The following RAP1GAP2 variants were observed in gnomAD, a reference collection of about 807,000 sequenced individuals.
RAP1GAP2 encodes rap1 GTPase-activating protein 2.
In RAP1GAP2, 27 loss-of-function variants were observed where a neutral mutation model predicts 95.0. The observed-to-expected ratio is 0.28, with a 90% CI of 0.21 to 0.39. The LOEUF (loss-of-function observed/expected upper bound fraction) is 0.39. Ranked by LOEUF, RAP1GAP2 falls within the 10% of genes least tolerant of loss-of-function variation. The pLI, the probability that RAP1GAP2 is intolerant of heterozygous loss-of-function variation, is 1.00. For missense variants in RAP1GAP2, 771 were observed against 970.0 expected (o/e 0.79, Z 2.72); for synonymous variants, 373 against 380.9 (o/e 0.98, Z 0.24).
At position 2,963,574 on chromosome 17, in the gene RAP1GAP2, C is replaced by A; in HGVS notation, c.279+112C>A. 1 of 1,372,410 alleles carries A rather than the reference C, an allele frequency of 7.3e-7. No homozygotes were observed. Among genetic ancestry groups the A allele is most frequent in the Non-Finnish European group, 1.0e-6 (1 of 970,318 alleles). 85.0% of individuals were successfully genotyped at this position (1,372,410 alleles called of 1,614,324 possible). A position where few individuals can be genotyped will look rare whatever the true frequency, so the allele number is the denominator to read the frequency against. On this transcript the variant is annotated intron_variant, in intron 6 of 24. Coordinates refer to ENST00000254695, the MANE Select transcript of RAP1GAP2 (RefSeq NM_015085.5). The surrounding 1 kb of genome is among the most constrained non-coding windows in gnomAD (Gnocchi z 4.8). ...GCCCCCCAGGGGAGAGAACCTTGGGCCTGGGACCTCTCTTCCTGTCTTTGC... is the reference window on the plus strand; with the variant it reads ...GCCCCCCAGGGGAGAGAACCTTGGGACTGGGACCTCTCTTCCTGTCTTTGC...
In RAP1GAP2 at chr17:2,963,153, G is replaced by T; in HGVS notation, c.247-277G>T. ...CTAGGGGTCATTTTCCGGAATGAGC[G>T]TTCTAGGATGAGAAGCTGGTATCAC... On this transcript the variant is annotated intron_variant, in intron 5 of 24. Coordinates refer to ENST00000254695, the MANE Select transcript of RAP1GAP2 (RefSeq NM_015085.5). This position sits in a 1 kb window ranked among gnomAD's most constrained non-coding sequence, Gnocchi z 4.8. 1.8e-6 allele frequency: 1 copy of T among 560,900 alleles called. No individual in the cohort carries two copies. 34.7% of individuals were successfully genotyped at this position (560,900 alleles called of 1,614,324 possible).
rs917540694 is a variant in RAP1GAP2 at position 2,891,814 on chromosome 17, C to CTTTTTTTTTTTTTT, written c.81-13457_81-13444dup. Among the ~76,000 whole-genome samples the CTTTTTTTTTTTTTT allele has an allele frequency of 4.2e-4, 23 of 54,292 alleles. 1 individual carries two copies. The highest frequency in any genetic ancestry group is 6.9e-4 in the Non-Finnish European group (19 of 27,404). The allele number at this position is 54,292 out of a possible 152,430, so 35.6% of individuals were successfully genotyped here. A position where few individuals can be genotyped will look rare whatever the true frequency, so the allele number is the denominator to read the frequency against. ...TGATATGCAGATTCATATTTCTTTT[C>CTTTTTTTTTTTTTT]TTTTTTTTTTTTTTTTTTTTTTTTT... is the stretch of plus-strand genomic sequence containing the variant. On this transcript the variant is annotated intron_variant, in intron 2 of 24. Coordinates refer to ENST00000254695, the MANE Select transcript of RAP1GAP2 (RefSeq NM_015085.5).
intron 1 of RAP1GAP2, among the ~76,000 whole-genome samples, chr17:2,766,978 C>T (rs2068287399): frequency 6.6e-6 from 1 of 151,680 alleles, no homozygotes; most frequent in African/African-American, 2.4e-5. Flanking sequence ...AGGGCAGCTG[C>T]ACAGTTTTTT....
Position 2,995,403 on chromosome 17 carries a change from G to A in RAP1GAP2, c.981G>A (p.Arg327=), listed in dbSNP as rs765876322. The A allele has an allele frequency of 7.2e-5, 116 of 1,613,854 alleles. No individual in the cohort carries two copies. Among genetic ancestry groups the A allele is most frequent in the Middle Eastern group, 1.6e-4 (1 of 6,082 alleles). ...TGGAATCAGTGTACACAACATTCCG[G>A]GACAGGGAGATCATGTTTCACGTTT... ...TGVESVYTTF[R]DREIMFHVST... The change falls in exon 13 of 25, where the codon CGG becomes CGA. Residue 327 remains arginine, a synonymous_variant. Coordinates refer to ENST00000254695, the MANE Select transcript of RAP1GAP2 (RefSeq NM_015085.5).
Position 2,783,092 on chromosome 17 carries a change from G to T in RAP1GAP2, c.-14+5814G>T, listed in dbSNP as rs929848692. ...GGAAGTAGAGGCTCAGAGAGCCTGG[G>T]TTACTTCCACAAGGTCACACAGCTA... On this transcript the variant is annotated intron_variant, in intron 1 of 24. Coordinates refer to the RAP1GAP2 transcript ENST00000540393. Among the ~76,000 whole-genome samples the T allele has an allele frequency of 2.0e-5, 3 of 152,264 alleles. No homozygotes were observed. In the East Asian group the frequency reaches 5.8e-4, roughly 29 times the overall value.
intron 3 of RAP1GAP2, among the ~76,000 whole-genome samples, chr17:2,917,383 G>C (rs976059171): frequency 2.0e-5 from 3 of 151,930 alleles, no homozygotes; most frequent in Non-Finnish European, 4.4e-5. Context: ...CAATTCTCCT[G>C]CCTCAGCCTC....
At position 3,034,748 on chromosome 17, in the gene RAP1GAP2, T is replaced by G. The variant is rs988931903; in HGVS notation, c.*1387T>G. Reference sequence around the variant, plus strand: ...TCCAAGGACATCCCCTCCTGGCTTCTCCCCCTTCCGAGTCTGCAGCGCCGT... The same window carrying G: ...TCCAAGGACATCCCCTCCTGGCTTCGCCCCCTTCCGAGTCTGCAGCGCCGT... On this transcript the variant is annotated 3_prime_UTR_variant, in exon 25 of 25. Coordinates refer to ENST00000254695, the MANE Select transcript of RAP1GAP2 (RefSeq NM_015085.5). The surrounding 1 kb of genome is among the most constrained non-coding windows in gnomAD (Gnocchi z 5.1). 2 of 152,622 alleles carry G rather than the reference T, an allele frequency of 1.3e-5. No individual in the cohort carries two copies. Among genetic ancestry groups the G allele is most frequent in the African/African-American group, 4.8e-5 (2 of 41,406 alleles). The allele number at this position is 152,622 out of a possible 1,614,324, so 9.5% of individuals were successfully genotyped here.
chr17:2,970,967 C>T (rs545587600), intron 8 of RAP1GAP2, among the ~76,000 whole-genome samples: 4 of 152,094 alleles, frequency 2.6e-5, no homozygotes, highest in East Asian at 1.9e-4. Context: ...CCTGGGAGGT[C>T]GAGGCTACAA....
At position 2,963,029 on chromosome 17, in the gene RAP1GAP2, G is replaced by T; in HGVS notation, c.246+315G>T. 1 of 520,228 alleles carries T rather than the reference G, an allele frequency of 1.9e-6. No homozygotes were observed. The highest frequency in any genetic ancestry group is 3.4e-5 in the East Asian group (1 of 29,568). The allele number at this position is 520,228 out of a possible 1,614,324, so 32.2% of individuals were successfully genotyped here. A position where few individuals can be genotyped will look rare whatever the true frequency, so the allele number is the denominator to read the frequency against. ...GTAAGGGTGTCAGGCTCTGTGCCCC[G>T]GGTTCCAGTGGGCAGTCAGCTCTCA... On this transcript the variant is annotated intron_variant, in intron 5 of 24. Coordinates refer to ENST00000254695, the MANE Select transcript of RAP1GAP2 (RefSeq NM_015085.5). The surrounding 1 kb of genome is among the most constrained non-coding windows in gnomAD (Gnocchi z 4.8).
chr17:2,828,041 A>C (rs2070657317), intron 2 of RAP1GAP2, among the ~76,000 whole-genome samples: 1 of 152,080 alleles, frequency 6.6e-6, no homozygotes, highest in Non-Finnish European at 1.5e-5. Context: ...TTTGGGTCTT[A>C]GAATTTAACT....
intron 1 of RAP1GAP2, among the ~76,000 whole-genome samples, chr17:2,789,565 A>G (rs904178563): frequency 1.4e-4 from 20 of 146,054 alleles, no homozygotes; most frequent in African/African-American, 5.0e-4. Context: ...GTTCAAGACC[A>G]GCCTGGCCAA....
chr17:2,841,254 T>G (rs2151570466), intron 2 of RAP1GAP2, among the ~76,000 whole-genome samples: 1 of 152,166 alleles, frequency 6.6e-6, no homozygotes, highest in African/African-American at 2.4e-5. Context: ...ATTAAGTCCA[T>G]TTAAAGAAAA....
chr17:2,818,887 CA>C (rs2070157127), intron 2 of RAP1GAP2, among the ~76,000 whole-genome samples: 6 of 151,892 alleles, frequency 4.0e-5, no homozygotes, highest in African/African-American at 1.5e-4. Flanking sequence ...AAACCTACTG[CA>C]AGGGTTGTTT....
chr17:2,921,060 C>G (rs141656953), intron 3 of RAP1GAP2, among the ~76,000 whole-genome samples: 5 of 152,236 alleles, frequency 3.3e-5, no homozygotes, highest in South Asian at 2.1e-4. Context: ...CTCCCGGAGC[C>G]CCCCCGGCAG....
rs1420214676 is a variant in RAP1GAP2, at chr17:2,808,259, G to T, written c.80+7709G>T. On this transcript the variant is annotated intron_variant, in intron 2 of 24. Transcript: ENST00000254695. Reference sequence around the variant, plus strand: ...GAGTGGCCTTCCCTGCCTGGAGCTGGTTTGGAAGGTGTGGGTGAAGGTGAG... The same window carrying T: ...GAGTGGCCTTCCCTGCCTGGAGCTGTTTTGGAAGGTGTGGGTGAAGGTGAG... 2.6e-5 allele frequency among the ~76,000 whole-genome samples: 4 copies of T among 152,148 alleles called. No individual in the cohort carries two copies. In the East Asian group the frequency reaches 5.8e-4, roughly 22 times the overall value.
At chr17:2,761,021 C>G (rs999255231) in intron 1 of RAP1GAP2, among the ~76,000 whole-genome samples, 7 of 151,588 alleles carry the variant, frequency 4.6e-5, no homozygotes, top group Non-Finnish European at 1.0e-4. Flanking sequence ...ATGGTGTGAT[C>G]TCTGCACACT....
At chr17:2,858,392 C>T (rs573331472) in intron 2 of RAP1GAP2, among the ~76,000 whole-genome samples, 23 of 152,112 alleles carry the variant, frequency 1.5e-4, no homozygotes, top group Non-Finnish European at 3.1e-4. Context: ...AAAAGCCTAT[C>T]GCAATTCTTG....
intron 1 of RAP1GAP2, among the ~76,000 whole-genome samples, chr17:2,800,033 G>A (rs148615405): frequency 2.1e-4 from 32 of 152,284 alleles, no homozygotes; most frequent in African/African-American, 5.3e-4. Flanking sequence ...TGGGCAGGAG[G>A]GTCCCTGGGG....
intron 2 of RAP1GAP2, among the ~76,000 whole-genome samples, chr17:2,880,884 T>C (rs935830603): frequency 2.6e-5 from 4 of 152,080 alleles, no homozygotes; most frequent in Admixed American, 1.3e-4. Flanking sequence ...CCCAGCACTT[T>C]GGGAGGCCGA....
Sources: allele counts gnomAD v4.1 joint callset (sites outside exome capture counted in the v4.1 genomes callset), GRCh38; gene constraint gnomAD v4.1.1; non-coding constraint Gnocchi (gnomAD v3.1); transcripts MANE v1.5; gene names NCBI Gene and HGNC (gene_info 2026-07-23, HGNC 2026-07-21).